The following IGSF11 variants were observed in gnomAD, a reference collection of about 807,000 sequenced individuals.
IGSF11 encodes immunoglobulin superfamily member 11.
Under a neutral mutation model 41.0 loss-of-function variants are expected in IGSF11, and 22 were observed. That is an observed-to-expected ratio of 0.54 (90% confidence interval 0.38 to 0.77). The LOEUF is 0.77. IGSF11 is among the 30% of genes least tolerant of loss of function. IGSF11 has a pLI of 0.00. For missense variants in IGSF11, 444 were observed against 530.8 expected (o/e 0.84, Z 1.61); for synonymous variants, 219 against 201.3 (o/e 1.09, Z -0.74).
In IGSF11 at chr3:119,139,887, T is replaced by C. The variant is rs191992737; in HGVS notation, c.-14+5926A>G. Among the ~76,000 whole-genome samples the C allele has an allele frequency of 2.2e-3, 336 of 152,324 alleles. 2 individuals carry two copies. The Middle Eastern group carries it at 0.031, about 14-fold the overall frequency. Reference sequence around the variant, plus strand: ...ACAAAGAATGGTGACGGGAACATAGTATACTGGAGCAAAGTTTTTGTATAA... The same window carrying C: ...ACAAAGAATGGTGACGGGAACATAGCATACTGGAGCAAAGTTTTTGTATAA... On this transcript the variant is annotated intron_variant, in intron 1 of 7. Transcript: ENST00000425327.
chr3:119,054,382 A>C (rs1172196444), intron 1 of IGSF11, among the ~76,000 whole-genome samples: 7 of 152,214 alleles, frequency 4.6e-5, no homozygotes, highest in African/African-American at 1.2e-4. Context: ...GGACATGAAT[A>C]GGCAATTATC....
At chr3:119,139,339 A>G (rs775917450) in intron 1 of IGSF11, among the ~76,000 whole-genome samples, 1 of 152,194 alleles carries the variant, frequency 6.6e-6, no homozygotes, top group African/African-American at 2.4e-5. Context: ...AACAGTAAAG[A>G]TAAGTACATT....
intron 1 of IGSF11, among the ~76,000 whole-genome samples, chr3:119,020,648 T>C (rs1377256217): frequency 2.0e-5 from 3 of 152,232 alleles, no homozygotes; most frequent in African/African-American, 2.4e-5. Flanking sequence ...TAATAAACCC[T>C]CAGTTGTTCC....
At chr3:119,128,119 G>A (rs148994059) in intron 1 of IGSF11, among the ~76,000 whole-genome samples, 137 of 152,332 alleles carry the variant, frequency 9.0e-4, no homozygotes, top group Non-Finnish European at 1.5e-3. Context: ...AGCACTTTGG[G>A]AGGCCAAGGC....
chr3:118,996,690 C>G (rs1936300863), intron 1 of IGSF11, among the ~76,000 whole-genome samples: 1 of 151,964 alleles, frequency 6.6e-6, no homozygotes, highest in African/African-American at 2.4e-5. Context: ...ACCTCTGCCT[C>G]CCGGGTTCAC....
chr3:118,932,780 C>A (rs1317123607), intron 1 of IGSF11, among the ~76,000 whole-genome samples: 1 of 152,180 alleles, frequency 6.6e-6, no homozygotes, highest in Non-Finnish European at 1.5e-5. Context: ...GGTGCCGAAC[C>A]TCCATCACTG....
chr3:119,000,633 T>C (rs4687835), intron 1 of IGSF11, among the ~76,000 whole-genome samples: 60,608 of 151,834 alleles, frequency 0.4, 14,872 homozygotes, highest in African/African-American at 0.69. Flanking sequence ...TCATTATTAA[T>C]CTGTGTCATA....
chr3:119,044,168 G>A (rs549903749), intron 1 of IGSF11, among the ~76,000 whole-genome samples: 1 of 152,130 alleles, frequency 6.6e-6, no homozygotes, highest in Admixed American at 6.5e-5. Context: ...AACAACACAG[G>A]ATATGGATGA....
chr3:119,014,875 T>C (rs934299835), intron 1 of IGSF11, among the ~76,000 whole-genome samples: 1 of 152,224 alleles, frequency 6.6e-6, no homozygotes, highest in Non-Finnish European at 1.5e-5. Context: ...CCTTCTGGCT[T>C]GGAATTATCA....
intron 1 of IGSF11, among the ~76,000 whole-genome samples, chr3:119,084,142 A>G (rs2107485425): frequency 6.6e-6 from 1 of 152,308 alleles, no homozygotes; most frequent in Non-Finnish European, 1.5e-5. Context: ...AGATACAGCC[A>G]GGAAGTGCTG....
chr3:118,964,722 A>T (rs933780627), intron 1 of IGSF11, among the ~76,000 whole-genome samples: 2 of 152,120 alleles, frequency 1.3e-5, no homozygotes, highest in Non-Finnish European at 2.9e-5. Context: ...GGAGAATATT[A>T]AAAAAACTCA....
chr3:119,083,034 T>C (rs2076607923), intron 1 of IGSF11, among the ~76,000 whole-genome samples: 1 of 152,124 alleles, frequency 6.6e-6, no homozygotes, highest in South Asian at 2.1e-4. Flanking sequence ...AATTCAAGTA[T>C]AGCACCATAA....
At chr3:118,944,248 A>G (rs1358974614) in intron 1 of IGSF11, among the ~76,000 whole-genome samples, 2 of 152,196 alleles carry the variant, frequency 1.3e-5, no homozygotes, top group Non-Finnish European at 2.9e-5. Flanking sequence ...AGGAATAGAG[A>G]TAGAGGTAAT....
In IGSF11 at chr3:118,901,742, A is replaced by T. The variant is rs1025254163; in HGVS notation, c.*778T>A. 1.5e-5 allele frequency: 2 copies of T among 133,832 alleles called. No homozygotes were observed. The highest frequency in any genetic ancestry group is 3.1e-5 in the Non-Finnish European group (2 of 64,860). 8.3% of individuals were successfully genotyped at this position (133,832 alleles called of 1,614,324 possible). A position where few individuals can be genotyped will look rare whatever the true frequency, so the allele number is the denominator to read the frequency against. On this transcript the variant is annotated 3_prime_UTR_variant, in exon 7 of 7. Coordinates refer to ENST00000393775, the MANE Select transcript of IGSF11 (RefSeq NM_001015887.3). ...TTTCTTTCTTAGCCCAATGCCTCTC[A>T]TGTATTTAAAAAAAAAAAAAAGCCT...
chr3:119,048,215 T>G (rs1941453781), intron 1 of IGSF11, among the ~76,000 whole-genome samples: 1 of 152,136 alleles, frequency 6.6e-6, no homozygotes, highest in African/African-American at 2.4e-5. Flanking sequence ...AGGAGCTGGT[T>G]TTTTGAAAGG....
intron 4 of IGSF11, among the ~76,000 whole-genome samples, chr3:118,907,079 T>A (rs537089378): frequency 6.6e-6 from 1 of 152,088 alleles, no homozygotes; most frequent in East Asian, 1.9e-4. Flanking sequence ...ACAGGACAAG[T>A]AAAAAAATAT....
chr3:119,049,719 G>T (rs1356354455), intron 1 of IGSF11, among the ~76,000 whole-genome samples: 15 of 152,068 alleles, frequency 9.9e-5, no homozygotes. Context: ...GAACAAAGCT[G>T]GAGGCATCAC....
intron 1 of IGSF11, among the ~76,000 whole-genome samples, chr3:119,042,094 T>A (rs1171184214): frequency 6.6e-6 from 1 of 152,120 alleles, no homozygotes; most frequent in Non-Finnish European, 1.5e-5. Context: ...TTCATGAGAG[T>A]AATGTTTAAT....
At chr3:119,139,893 G>A (rs534132984) in intron 1 of IGSF11, among the ~76,000 whole-genome samples, 1 of 152,190 alleles carries the variant, frequency 6.6e-6, no homozygotes, top group East Asian at 1.9e-4. Context: ...ATAGTATACT[G>A]GAGCAAAGTT....
Sources: allele counts gnomAD v4.1 joint callset (sites outside exome capture counted in the v4.1 genomes callset), GRCh38; gene constraint gnomAD v4.1.1; transcripts MANE v1.5; gene names NCBI Gene and HGNC (gene_info 2026-07-23, HGNC 2026-07-21).